Variants in STK3 observed in about 807,000 individuals in gnomAD.
The protein encoded by STK3 is serine/threonine-protein kinase 3.
A neutral mutation model predicts 58.0 loss-of-function variants in STK3; 41 were observed. That is an observed-to-expected ratio of 0.71 (90% CI 0.55 to 0.92). The LOEUF (loss-of-function observed/expected upper bound fraction) is 0.92, where lower values mean the gene tolerates loss of function less well. STK3 is among the 40% of genes least tolerant of loss of function. STK3 has a pLI of 0.00. For missense variants in STK3, 479 were observed against 602.7 expected, an observed-to-expected ratio of 0.79 and a Z score of 2.15; for synonymous variants, 170 against 191.0, an observed-to-expected ratio of 0.89 and a Z score of 0.91.
At chr8:98,380,244 A>G (rs1563588146) in intron 1 of STK3, among the ~76,000 whole-genome samples, 1 of 152,238 alleles carries the variant, frequency 6.6e-6, no homozygotes, top group Admixed American at 6.5e-5. Context: ...ACAGTCAACA[A>G]TAATGTATTG....
At chr8:98,755,334 G>T (rs1177279407) in intron 3 of STK3, among the ~76,000 whole-genome samples, 1 of 152,168 alleles carries the variant, frequency 6.6e-6, no homozygotes, top group Non-Finnish European at 1.5e-5. Context: ...CAGGAATTAA[G>T]GAAGTAAACT....
At chr8:98,443,448 A>G (rs1295447295) in intron 1 of STK3, among the ~76,000 whole-genome samples, 1 of 152,168 alleles carries the variant, frequency 6.6e-6, no homozygotes, top group African/African-American at 2.4e-5. Flanking sequence ...CTTCCAGCAA[A>G]CACTGAATGA....
At chr8:98,802,950 G>A (rs1035669457) in intron 1 of STK3, among the ~76,000 whole-genome samples, 1 of 152,170 alleles carries the variant, frequency 6.6e-6, no homozygotes, top group Non-Finnish European at 1.5e-5. Flanking sequence ...GACAGACTTT[G>A]TTTCATTCAC....
chr8:98,620,470 A>AT (rs1818186341), intron 6 of STK3, among the ~76,000 whole-genome samples: 1 of 148,376 alleles, frequency 6.7e-6, no homozygotes, highest in African/African-American at 2.5e-5. Flanking sequence ...GTATAATAAA[A>AT]AAAATAAATA....
intron 1 of STK3, among the ~76,000 whole-genome samples, chr8:98,933,749 G>A (rs1337086177): frequency 6.6e-6 from 1 of 152,156 alleles, no homozygotes; most frequent in East Asian, 1.9e-4. Flanking sequence ...GCAGCATCCT[G>A]AAGAGTGATT....
intron 6 of STK3, among the ~76,000 whole-genome samples, chr8:98,659,957 G>C (rs1042785916): frequency 2.0e-5 from 3 of 151,814 alleles, no homozygotes; most frequent in African/African-American, 7.3e-5. Flanking sequence ...ATAAGCTGAA[G>C]CCTAGAGATA....
At chr8:98,387,599 T>C (rs1817802743) in intron 1 of STK3, among the ~76,000 whole-genome samples, 1 of 152,004 alleles carries the variant, frequency 6.6e-6, no homozygotes, top group African/African-American at 2.4e-5. Context: ...AAATACAAAA[T>C]TAGCCAGGCA....
chr8:98,715,474 T>C (rs1158923577), intron 4 of STK3, among the ~76,000 whole-genome samples: 7 of 150,018 alleles, frequency 4.7e-5, no homozygotes, highest in East Asian at 1.9e-4. Context: ...GGGCAAAGGA[T>C]ATGAACAGAC....
At chr8:98,854,388 C>A (rs1961744) in intron 3 of STK3, among the ~76,000 whole-genome samples, 40,501 of 151,946 alleles carry the variant, frequency 0.27, 6,138 homozygotes, top group East Asian at 0.45. Flanking sequence ...ATCTGCCCAA[C>A]TCTGCCTCCC....
chr8:98,655,416 T>C (rs543886938), intron 6 of STK3, among the ~76,000 whole-genome samples: 4 of 152,178 alleles, frequency 2.6e-5, no homozygotes, highest in African/African-American at 7.2e-5. Context: ...ATTCAGGACA[T>C]AGGCATGGGC....
chr8:98,780,473 C>T (rs1259171705), intron 1 of STK3, among the ~76,000 whole-genome samples: 4 of 152,068 alleles, frequency 2.6e-5, no homozygotes, highest in African/African-American at 4.8e-5. Context: ...CGGTCCTTTT[C>T]TTATGTGTAT....
the STK3 span, among the ~76,000 whole-genome samples, chr8:98,365,737 A>G: frequency 6.6e-6 from 1 of 152,092 alleles, no homozygotes; most frequent in Non-Finnish European, 1.5e-5. Context: ...AACAATATAT[A>G]ACATTTTTCC....
At chr8:98,750,558 C>T (rs1441703268) in intron 3 of STK3, among the ~76,000 whole-genome samples, 3 of 151,068 alleles carry the variant, frequency 2.0e-5, no homozygotes, top group Non-Finnish European at 4.4e-5. Flanking sequence ...CTTCTCAGTA[C>T]AGCCTTTAAA....
At chr8:98,514,517 GC>G (rs1824774773) in intron 10 of STK3, among the ~76,000 whole-genome samples, 2 of 150,136 alleles carry the variant, frequency 1.3e-5, no homozygotes, top group South Asian at 2.1e-4. Context: ...ACTGATACCT[GC>G]CCCCACACTC....
chr8:98,704,300 G>A (rs186022279), intron 6 of STK3, among the ~76,000 whole-genome samples: 20 of 152,240 alleles, frequency 1.3e-4, no homozygotes, highest in African/African-American at 4.6e-4. Context: ...AATACTTGCA[G>A]TTCAATACTC....
intron 6 of STK3, among the ~76,000 whole-genome samples, chr8:98,654,567 T>C (rs1333036885): frequency 1.3e-5 from 2 of 152,190 alleles, no homozygotes; most frequent in African/African-American, 4.8e-5. Context: ...GATGACATGA[T>C]TGGATATCTA....
chr8:98,843,487 T>G (rs1385146671), intron 3 of STK3, among the ~76,000 whole-genome samples: 1 of 152,234 alleles, frequency 6.6e-6, no homozygotes, highest in Admixed American at 6.5e-5. Flanking sequence ...TTCCTAAGAC[T>G]TCAATGGCTG....
At chr8:98,384,602 C>G (rs1057247362) in intron 1 of STK3, among the ~76,000 whole-genome samples, 110 of 152,152 alleles carry the variant, frequency 7.2e-4, no homozygotes, top group Non-Finnish European at 2.1e-4. Context: ...CCTGAAACTT[C>G]AGCAACTCTC....
At chr8:98,372,806 G>A (rs530660373) in intron 2 of STK3, among the ~76,000 whole-genome samples, 7 of 152,316 alleles carry the variant, frequency 4.6e-5, no homozygotes, top group East Asian at 3.9e-4. Flanking sequence ...ACAGTCTAGC[G>A]CTGCTCCCTT....
Sources: gnomAD v4.1 joint callset for allele counts (sites outside exome capture counted in the v4.1 genomes callset) on GRCh38, gnomAD v4.1.1 for gene constraint, MANE v1.5 for transcripts, NCBI Gene and HGNC (gene_info 2026-07-23, HGNC 2026-07-21) for gene names.